Variants in NCKAP5 observed in about 807,000 individuals in gnomAD.
The protein encoded by NCKAP5 is nck-associated protein 5.
A neutral mutation model predicts 167.0 loss-of-function variants in NCKAP5; 92 were observed. The observed-to-expected ratio is 0.55, with a 90% CI of 0.47 to 0.66. The LOEUF (loss-of-function observed/expected upper bound fraction) is 0.66, where lower values mean the gene tolerates loss of function less well. Ranked by LOEUF, NCKAP5 falls within the 30% of genes least tolerant of loss-of-function variation. The pLI is 0.00. For missense variants in NCKAP5, 2,378 were observed against 2,315.0 expected, an observed-to-expected ratio of 1.03 and a Z score of -0.56; for synonymous variants, 891 against 877.4, an observed-to-expected ratio of 1.02 and a Z score of -0.27.
In NCKAP5 at chr2:132,782,335, C is replaced by A. The variant is rs1413240902; in HGVS notation, c.4476G>T (p.Lys1492Asn). The change falls in exon 14 of 20, where the codon AAG becomes AAT. Residue 1492 changes from lysine (K) to asparagine (N), a missense_variant. By Grantham distance (94) the Lys-to-Asn change is moderately conservative. Coordinates refer to ENST00000409261, the MANE Select transcript of NCKAP5 (RefSeq NM_207363.3). ...TCTGCTTTGCTTCCACAGAGGTGGG[C>A]TTTGTTTGCACTTGGCCCTTTTCCA... ...ENVEKGQVQT[K>N]PTSVEAKQKP... 1 of 1,614,062 alleles carries A rather than the reference C, an allele frequency of 6.2e-7. No homozygotes were observed. Among genetic ancestry groups the A allele is most frequent in the Middle Eastern group, 1.6e-4 (1 of 6,062 alleles).
chr2:133,105,993 C>T (rs1283660065), intron 6 of NCKAP5, among the ~76,000 whole-genome samples: 1 of 152,068 alleles, frequency 6.6e-6, no homozygotes, highest in African/African-American at 2.4e-5. Context: ...CTCCTTCTAC[C>T]TAAACCCGTC....
At chr2:133,631,978 G>A in the NCKAP5 span, among the ~76,000 whole-genome samples, 1 of 152,124 alleles carries the variant, frequency 6.6e-6, no homozygotes, top group Non-Finnish European at 1.5e-5. Context: ...ATTTCTCTTC[G>A]GCCTTGCCTA....
chr2:133,460,044 G>GA (rs1172064150), intron 3 of NCKAP5, among the ~76,000 whole-genome samples: 12 of 152,064 alleles, frequency 7.9e-5, no homozygotes, highest in Non-Finnish European at 1.8e-4. Flanking sequence ...TTAGCAGATA[G>GA]AAAAAAGGTG....
chr2:133,055,177 T>C (rs1261982351), intron 6 of NCKAP5, among the ~76,000 whole-genome samples: 1 of 152,074 alleles, frequency 6.6e-6, no homozygotes, highest in African/African-American at 2.4e-5. Flanking sequence ...TATACTAGTA[T>C]ACTGATCCAA....
the NCKAP5 span, among the ~76,000 whole-genome samples, chr2:133,597,068 T>A: frequency 6.6e-6 from 1 of 152,208 alleles, no homozygotes; most frequent in African/African-American, 2.4e-5. Context: ...AAATTTGCTC[T>A]CCTAATCAAA....
At chr2:132,959,552 A>G (rs911916066) in intron 8 of NCKAP5, among the ~76,000 whole-genome samples, 1 of 152,164 alleles carries the variant, frequency 6.6e-6, no homozygotes, top group Non-Finnish European at 1.5e-5. Context: ...GAGAAGGGCC[A>G]CGTGGGAGTG....
At chr2:133,041,173 T>G (rs1017799291) in intron 6 of NCKAP5, among the ~76,000 whole-genome samples, 1 of 152,204 alleles carries the variant, frequency 6.6e-6, no homozygotes, top group African/African-American at 2.4e-5. Context: ...GGAGATGCTC[T>G]TTGCCTCTCT....
rs2084016356 is a variant in NCKAP5, at chr2:133,166,706, CTT to C, written c.208-36597_208-36596del. Among the ~76,000 whole-genome samples the C allele has an allele frequency of 2.6e-5, 4 of 152,174 alleles. No individual in the cohort carries two copies. The South Asian group carries it at 8.3e-4, about 31-fold the overall frequency. ...TCACATTACCCAAGCCATACAATGT[CTT>C]TCATTTCGGCACAGTCTTGGACTGT... On this transcript the variant is annotated intron_variant, in intron 5 of 19. Transcript: ENST00000409261.
intron 5 of NCKAP5, among the ~76,000 whole-genome samples, chr2:133,178,597 G>A (rs1009062542): frequency 1.3e-5 from 2 of 149,718 alleles, no homozygotes; most frequent in African/African-American, 2.5e-5. Context: ...AGGCCGATGC[G>A]GGCGGATCAC....
At chr2:133,395,180 G>T (rs1217605579) in intron 3 of NCKAP5, among the ~76,000 whole-genome samples, 1 of 152,168 alleles carries the variant, frequency 6.6e-6, no homozygotes, top group Non-Finnish European at 1.5e-5. Flanking sequence ...CCTGGGCTTG[G>T]GTATGTGAGA....
chr2:132,800,923 G>A (rs556210199), intron 11 of NCKAP5, among the ~76,000 whole-genome samples: 42 of 152,246 alleles, frequency 2.8e-4, no homozygotes, highest in Middle Eastern at 6.8e-3. Context: ...TGGGTGTCAC[G>A]AAACCTCGGG....
At chr2:133,060,478 G>C (rs1034191245) in intron 6 of NCKAP5, among the ~76,000 whole-genome samples, 6 of 152,110 alleles carry the variant, frequency 3.9e-5, no homozygotes, top group Non-Finnish European at 5.9e-5. Context: ...ATATTTTATA[G>C]CTGCATGTTT....
intron 2 of NCKAP5, among the ~76,000 whole-genome samples, chr2:133,528,600 T>C (rs147926275): frequency 5.9e-4 from 90 of 152,326 alleles, no homozygotes; most frequent in African/African-American, 2.1e-3. Context: ...TCTATGTACA[T>C]GTAATAGCGG....
upstream of NCKAP5, among the ~76,000 whole-genome samples, chr2:133,573,012 A>C (rs2105074407): frequency 6.6e-6 from 1 of 152,338 alleles, no homozygotes; most frequent in African/African-American, 2.4e-5. Flanking sequence ...CAATTAGAAA[A>C]TTCTTGGTAA....
chr2:132,807,094 T>C (rs1401885561), intron 11 of NCKAP5, among the ~76,000 whole-genome samples: 2 of 152,212 alleles, frequency 1.3e-5, no homozygotes, highest in Admixed American at 1.3e-4. Flanking sequence ...TTCTGGGTTC[T>C]CTGTTCTGTT....
intron 4 of NCKAP5, among the ~76,000 whole-genome samples, chr2:133,263,652 T>C (rs1330576328): frequency 1.3e-5 from 2 of 152,018 alleles, no homozygotes; most frequent in Non-Finnish European, 2.9e-5. Flanking sequence ...CTGCCCTCCA[T>C]GTTCAAGGAG....
intron 6 of NCKAP5, among the ~76,000 whole-genome samples, chr2:133,128,321 A>G (rs2082469584): frequency 6.6e-6 from 1 of 152,158 alleles, no homozygotes; most frequent in South Asian, 2.1e-4. Context: ...TATTTTCCTG[A>G]TTTTATAAAT....
intron 8 of NCKAP5, among the ~76,000 whole-genome samples, chr2:132,885,679 T>C (rs1692158678): frequency 6.6e-6 from 1 of 152,234 alleles, no homozygotes; most frequent in East Asian, 1.9e-4. Flanking sequence ...TAAAAGGAAC[T>C]GTGTTTCTTA....
intron 6 of NCKAP5, chr2:133,122,727 A>T (rs1413899046): frequency 6.6e-6 from 1 of 152,206 alleles, no homozygotes; most frequent in Non-Finnish European, 1.5e-5. Context: ...CCAGTCCCAC[A>T]GAGCCTCCCT....
Sources: allele counts gnomAD v4.1 joint callset (sites outside exome capture counted in the v4.1 genomes callset), GRCh38; gene constraint gnomAD v4.1.1; transcripts MANE v1.5; gene names NCBI Gene and HGNC (gene_info 2026-07-23, HGNC 2026-07-21).